SUZ12: variants seen among roughly 807,000 people sequenced by gnomAD.
SUZ12 encodes polycomb protein SUZ12.
A neutral mutation model predicts 87.3 loss-of-function variants in SUZ12; 17 were observed. That is an observed-to-expected ratio of 0.19 (90% CI 0.13 to 0.29). The LOEUF (loss-of-function observed/expected upper bound fraction) is 0.29, where lower values mean the gene tolerates loss of function less well. SUZ12 is among the 10% of genes least tolerant of loss of function. The pLI, the probability that SUZ12 is intolerant of heterozygous loss-of-function variation, is 1.00. For missense variants in SUZ12, 526 were observed against 912.2 expected (o/e 0.58, Z 5.45); for synonymous variants, 253 against 312.4 (o/e 0.81, Z 2.01).
At chr17:31,992,410 G>T (rs1441738438) in intron 10 of SUZ12, among the ~76,000 whole-genome samples, 1 of 151,852 alleles carries the variant, frequency 6.6e-6, no homozygotes, top group Admixed American at 6.6e-5. Flanking sequence ...TTTTGTTTTT[G>T]TTTCTGTTTT....
intron 15 of SUZ12, among the ~76,000 whole-genome samples, chr17:31,998,079 T>A (rs896023921): frequency 2.1e-5 from 2 of 95,964 alleles, no homozygotes; most frequent in African/African-American, 1.0e-4. Context: ...CTCTACTAAA[T>A]TTTTTTTTTT....
chr17:31,976,493 A>T (rs371492044), intron 7 of SUZ12, 28 bp from the exon 8 acceptor site: 139 of 1,576,930 alleles, frequency 8.8e-5, no homozygotes, highest in Non-Finnish European at 1.1e-4. Flanking sequence ...CTAATATTTG[A>T]TTTATGAGAA....
intron 10 of SUZ12, among the ~76,000 whole-genome samples, chr17:31,989,594 T>G (rs758460581): frequency 1.1e-4 from 10 of 89,798 alleles, no homozygotes; most frequent in East Asian, 5.4e-4. Flanking sequence ...TTTTTTTTTG[T>G]TTTTTTTGTT....
At position 31,937,168 on chromosome 17, in the gene SUZ12, C is replaced by A; in HGVS notation, c.-79C>A. 5 of 1,254,000 alleles carry A rather than the reference C, an allele frequency of 4.0e-6. No individual in the cohort carries two copies. Among genetic ancestry groups the A allele is most frequent in the Non-Finnish European group, 5.2e-6 (5 of 969,512 alleles). The allele number at this position is 1,254,000 out of a possible 1,614,324, so 77.7% of individuals were successfully genotyped here. A position where few individuals can be genotyped will look rare whatever the true frequency, so the allele number is the denominator to read the frequency against. On this transcript the variant is annotated 5_prime_UTR_variant, in exon 1 of 16. Transcript: ENST00000322652. ...CTCGGTCCGCCGGAGCCTGCTGGGG[C>A]GAGCGGTTGGTATTGCAGGCGCTTG...
intron 4 of SUZ12, among the ~76,000 whole-genome samples, chr17:31,963,561 G>A (rs964419519): frequency 1.3e-5 from 2 of 151,634 alleles, no homozygotes; most frequent in Admixed American, 6.6e-5. Context: ...GCAGTGGTGC[G>A]ATCTTGGTCA....
Position 31,963,222 on chromosome 17 carries a change from G to A in SUZ12, c.456-2925G>A, listed in dbSNP as rs532021665. 9.0e-4 allele frequency among the ~76,000 whole-genome samples: 136 copies of A among 151,606 alleles called. 2 individuals carry two copies. The Middle Eastern group carries it at 0.01, about 12-fold the overall frequency. ...TGCAGTGGCACAATCTTGGCTCACT[G>A]CAGCCTCCACCTCCTGGGTTCAAGT... On this transcript the variant is annotated intron_variant, in intron 4 of 15. Transcript: ENST00000322652.
At chr17:31,985,158 CAAAAAAAAAAA>C (rs34227080) in intron 9 of SUZ12, among the ~76,000 whole-genome samples, 6 of 72,896 alleles carry the variant, frequency 8.2e-5, no homozygotes, top group Non-Finnish European at 1.6e-4. Context: ...GACTCTGTCT[CAAAAAAAAAAA>C]AAAAAAAAAA....
intron 4 of SUZ12, among the ~76,000 whole-genome samples, chr17:31,951,482 CTTTTTT>C (rs1038403579): frequency 1.5e-5 from 2 of 133,294 alleles, no homozygotes; most frequent in Admixed American, 7.6e-5. Flanking sequence ...GTGGTTAGTT[CTTTTTT>C]TTTTTTTTTT....
At position 31,991,918 on chromosome 17, in the gene SUZ12, A is replaced by G. The variant is rs1213093430; in HGVS notation, c.1202-1324A>G. On this transcript the variant is annotated intron_variant, in intron 10 of 15. Coordinates refer to ENST00000322652, the MANE Select transcript of SUZ12 (RefSeq NM_015355.4). Reference sequence around the variant, plus strand: ...CCCAGCCTGAAATAATTTTAATATAATAAGTATAACTTACTTTCTGATAAA... The same window carrying G: ...CCCAGCCTGAAATAATTTTAATATAGTAAGTATAACTTACTTTCTGATAAA... Among the ~76,000 whole-genome samples, 4 of 152,138 alleles carry G rather than the reference A, an allele frequency of 2.6e-5. No individual in the cohort carries two copies. In the South Asian group the frequency reaches 8.3e-4, roughly 32 times the overall value.
chr17:31,984,958 C>A (rs549256911), intron 9 of SUZ12, among the ~76,000 whole-genome samples: 83 of 152,182 alleles, frequency 5.5e-4, no homozygotes, highest in African/African-American at 1.9e-3. Context: ...GAATTTGACA[C>A]CAGCCTGGCC....
intron 4 of SUZ12, among the ~76,000 whole-genome samples, chr17:31,956,663 A>G (rs760512062): frequency 1.3e-5 from 2 of 151,450 alleles, no homozygotes; most frequent in Non-Finnish European, 2.9e-5. Context: ...CACCTCTGCT[A>G]TTATTGCACT....
intron 4 of SUZ12, among the ~76,000 whole-genome samples, chr17:31,964,177 A>G (rs867831644): frequency 4.7e-5 from 7 of 148,752 alleles, no homozygotes; most frequent in Middle Eastern, 3.8e-3. Flanking sequence ...CAGGCACACG[A>G]CACCATGCCT....
chr17:31,995,039 T>G (rs916490288), intron 13 of SUZ12, among the ~76,000 whole-genome samples: 2 of 152,202 alleles, frequency 1.3e-5, no homozygotes, highest in African/African-American at 4.8e-5. Context: ...GAGGTTGCAG[T>G]GAGCCGAGGT....
At chr17:31,998,491 G>A (rs1910100511) in intron 15 of SUZ12, among the ~76,000 whole-genome samples, 167 bp from the exon 16 acceptor site, 1 of 152,100 alleles carries the variant, frequency 6.6e-6, no homozygotes, top group Non-Finnish European at 1.5e-5. Context: ...TTTTAAAATG[G>A]TAAGCTCATT....
intron 5 of SUZ12, among the ~76,000 whole-genome samples, chr17:31,968,151 C>T (rs1908207133): frequency 6.6e-6 from 1 of 152,200 alleles, no homozygotes; most frequent in South Asian, 2.1e-4. Flanking sequence ...GCCTGAGTGA[C>T]AGAGTGAGAC....
At position 31,979,672 on chromosome 17, in the gene SUZ12, C is replaced by G. The variant is rs145293649; in HGVS notation, c.917+3058C>G. ...TGTTCTTTACGTACTACATCACAGACAAAAGGTAATATTAGGTTTGATCAC... is the reference window on the plus strand; with the variant it reads ...TGTTCTTTACGTACTACATCACAGAGAAAAGGTAATATTAGGTTTGATCAC... On this transcript the variant is annotated intron_variant, in intron 8 of 15. Transcript: ENST00000322652. Among the ~76,000 whole-genome samples, 318 of 152,258 alleles carry G rather than the reference C, an allele frequency of 2.1e-3. 1 individual carries two copies. The highest frequency in any genetic ancestry group is 6.7e-3 in the African/African-American group (279 of 41,536).
chr17:31,982,301 G>A (rs486948), intron 8 of SUZ12, among the ~76,000 whole-genome samples: 16,249 of 151,948 alleles, frequency 0.11, 1,062 homozygotes, highest in Middle Eastern at 0.15. Flanking sequence ...GTAGTTAAAG[G>A]TAACAGAATT....
chr17:31,994,528 A>G, intron 12 of SUZ12, 36 bp from the exon 13 acceptor site: 1 of 1,520,838 alleles, frequency 6.6e-7, no homozygotes, highest in Non-Finnish European at 8.9e-7. Context: ...AGGATAGGAT[A>G]CTTAATATAT....
At chr17:31,963,344 G>C (rs1164714410) in intron 4 of SUZ12, among the ~76,000 whole-genome samples, 1 of 151,692 alleles carries the variant, frequency 6.6e-6, no homozygotes. Context: ...GGGTTTCACC[G>C]TGTTAGCAAG....
Sources: gnomAD v4.1 joint callset for allele counts (sites outside exome capture counted in the v4.1 genomes callset) on GRCh38, gnomAD v4.1.1 for gene constraint, MANE v1.5 for transcripts, NCBI Gene and HGNC (gene_info 2026-07-23, HGNC 2026-07-21) for gene names.